MAPK8: variants seen among roughly 807,000 people sequenced by gnomAD.
MAPK8 encodes JUN N-terminal kinase.
MAPK8 carries 13 observed loss-of-function variants against 52.9 expected under a neutral mutation model. The ratio of observed to expected loss-of-function variants is 0.25; its 90% confidence interval spans 0.16 to 0.39. MAPK8 has a LOEUF of 0.39. MAPK8 is among the 10% of genes least tolerant of loss of function. MAPK8 has a pLI of 1.00. For synonymous variants in MAPK8, 191 were observed against 169.8 expected (o/e 1.12, Z -0.97); for missense variants, 300 against 519.2 (o/e 0.58, Z 4.10).
intron 1 of MAPK8, among the ~76,000 whole-genome samples, chr10:48,315,490 T>G (rs1352271117): frequency 6.6e-6 from 1 of 152,172 alleles, no homozygotes; most frequent in Non-Finnish European, 1.5e-5. Context: ...ATGATGTACC[T>G]TTATATCCAA....
At chr10:48,411,739 C>T (rs566926155) in intron 5 of MAPK8, among the ~76,000 whole-genome samples, 1 of 152,208 alleles carries the variant, frequency 6.6e-6, no homozygotes, top group Non-Finnish European at 1.5e-5. Flanking sequence ...TCTTCCAATT[C>T]ACAAACATAG....
At chr10:48,371,150 A>G (rs1016250846) in intron 1 of MAPK8, among the ~76,000 whole-genome samples, 2 of 152,126 alleles carry the variant, frequency 1.3e-5, no homozygotes, top group African/African-American at 4.8e-5. Context: ...ATGTATTATT[A>G]TATGTGATTT....
At chr10:48,309,623 A>G (rs1436132340) in intron 1 of MAPK8, among the ~76,000 whole-genome samples, 1 of 152,222 alleles carries the variant, frequency 6.6e-6, no homozygotes, top group African/African-American at 2.4e-5. Context: ...GTTCAGTGAA[A>G]CAACTTGAAG....
rs188725752 is a variant in MAPK8 at position 48,398,569 on chromosome 10, C to T, written c.-49-3043C>T. 4.6e-5 allele frequency among the ~76,000 whole-genome samples: 7 copies of T among 152,232 alleles called. No individual in the cohort carries two copies. The East Asian group carries it at 9.6e-4, about 21-fold the overall frequency. On this transcript the variant is annotated intron_variant, in intron 1 of 11. Transcript: ENST00000374189. ...TTAAAAATGTAGGGCTCAGCAATTC[C>T]ACTCCTAGATAATTAAACGAAGATG...
At chr10:48,411,805 T>G (rs2042763781) in intron 5 of MAPK8, among the ~76,000 whole-genome samples, 2 of 148,694 alleles carry the variant, frequency 1.3e-5, no homozygotes, top group Admixed American at 6.7e-5. Flanking sequence ...TTTTCTCTCC[T>G]TCCCTCCCTT....
chr10:48,355,402 G>A (rs1038054809), intron 1 of MAPK8, among the ~76,000 whole-genome samples: 3 of 150,868 alleles, frequency 2.0e-5, no homozygotes, highest in Admixed American at 2.0e-4. Flanking sequence ...CCAGCAGCTC[G>A]GGAGGCTGAG....
At chr10:48,427,797 A>G (rs1010052659) in intron 10 of MAPK8, among the ~76,000 whole-genome samples, 1 of 152,158 alleles carries the variant, frequency 6.6e-6, no homozygotes, top group Non-Finnish European at 1.5e-5. Context: ...ATATAATCAG[A>G]TATCTGGAAG....
chr10:48,364,214 A>T (rs1280453240), intron 1 of MAPK8, among the ~76,000 whole-genome samples: 1 of 152,134 alleles, frequency 6.6e-6, no homozygotes, highest in Non-Finnish European at 1.5e-5. Flanking sequence ...ACTAAAGAGG[A>T]TATTTTCATC....
intron 1 of MAPK8, among the ~76,000 whole-genome samples, chr10:48,343,234 G>A (rs1167412541): frequency 2.0e-5 from 3 of 152,204 alleles, no homozygotes; most frequent in African/African-American, 7.2e-5. Flanking sequence ...TCTCTCCAGA[G>A]TCTCCAGGGG....
At chr10:48,424,608 A>G (rs2043560736) in intron 7 of MAPK8, 4 of 1,532,924 alleles carry the variant, frequency 2.6e-6, no homozygotes, top group Non-Finnish European at 2.6e-6. Context: ...TTGGCCTAAA[A>G]TGTAGTTTCT....
At chr10:48,421,573 G>A (rs2043356463) in intron 6 of MAPK8, among the ~76,000 whole-genome samples, 1 of 152,194 alleles carries the variant, frequency 6.6e-6, no homozygotes, top group African/African-American at 2.4e-5. Context: ...GGGAGGCCGA[G>A]GCTCGTGGAT....
At chr10:48,431,055 G>C in intron 10 of MAPK8, 138 bp from the exon 11 acceptor site, 1 of 660,676 alleles carries the variant, frequency 1.5e-6, no homozygotes, top group South Asian at 1.8e-5. Flanking sequence ...ATCTTAGGCC[G>C]ACATTTAACT....
intron 5 of MAPK8, among the ~76,000 whole-genome samples, chr10:48,410,748 G>A (rs143629095): frequency 1.3e-5 from 2 of 152,284 alleles, no homozygotes; most frequent in East Asian, 3.9e-4. Context: ...ATTCCCACTA[G>A]CAGTGTATGC....
intron 1 of MAPK8, among the ~76,000 whole-genome samples, chr10:48,307,690 A>G (rs1215040743): frequency 6.6e-6 from 1 of 152,172 alleles, no homozygotes; most frequent in Admixed American, 6.5e-5. Context: ...TCCAGTGATT[A>G]CTATTTTTAC....
intron 1 of MAPK8, among the ~76,000 whole-genome samples, chr10:48,328,582 T>G (rs1244018788): frequency 1.3e-5 from 2 of 152,228 alleles, no homozygotes; most frequent in Non-Finnish European, 2.9e-5. Context: ...GGCTTCAGTC[T>G]TAATTTTATG....
At chr10:48,320,592 T>A (rs935196772) in intron 1 of MAPK8, among the ~76,000 whole-genome samples, 1 of 152,192 alleles carries the variant, frequency 6.6e-6, no homozygotes, top group Admixed American at 6.5e-5. Flanking sequence ...TGCCACATTT[T>A]ATTTACCTAC....
intron 1 of MAPK8, chr10:48,307,072 C>G (rs1374166314): frequency 6.6e-6 from 1 of 152,232 alleles, no homozygotes; most frequent in African/African-American, 2.4e-5. Flanking sequence ...CGCCGCGAGC[C>G]CCGCCCGCCT....
chr10:48,416,562 C>G (rs992281779), intron 5 of MAPK8, among the ~76,000 whole-genome samples: 1 of 152,144 alleles, frequency 6.6e-6, no homozygotes, highest in African/African-American at 2.4e-5. Flanking sequence ...TCCTCTTGGT[C>G]CAGAAACATA....
At position 48,381,789 on chromosome 10, in the gene MAPK8, A is replaced by G. The variant is rs57719423; in HGVS notation, c.-49-19823A>G. 4.1e-3 allele frequency among the ~76,000 whole-genome samples: 630 copies of G among 152,314 alleles called. 6 individuals are homozygous for G. The highest frequency in any genetic ancestry group is 0.017 in the East Asian group (89 of 5,188). ...GAAATGACTCAAACATTTTATGATT[A>G]TCTATTACTTTATTAAACCTAACAT... On this transcript the variant is annotated intron_variant, in intron 1 of 11. Coordinates refer to ENST00000374189, the MANE Select transcript of MAPK8 (RefSeq NM_001323329.2).
Sources: allele counts gnomAD v4.1 joint callset (sites outside exome capture counted in the v4.1 genomes callset), GRCh38; gene constraint gnomAD v4.1.1; transcripts MANE v1.5; gene names NCBI Gene and HGNC (gene_info 2026-07-23, HGNC 2026-07-21).